The following NEMF variants were observed in gnomAD, a reference collection of about 807,000 sequenced individuals.
NEMF encodes the protein nuclear export mediator factor, also known as ribosome quality control complex subunit NEMF.
A neutral mutation model predicts 162.2 loss-of-function variants in NEMF; 89 were observed. The observed-to-expected ratio is 0.55, with a 90% CI of 0.46 to 0.65. NEMF has a LOEUF of 0.65. Ranked by LOEUF, NEMF falls within the 30% of genes least tolerant of loss-of-function variation. The pLI is 0.00. For synonymous variants in NEMF, 421 were observed against 404.5 expected, an observed-to-expected ratio of 1.04 and a Z score of -0.49; for missense variants, 1,133 against 1,261.9, an observed-to-expected ratio of 0.90 and a Z score of 1.55.
Position 49,833,412 on chromosome 14 carries a change from C to T in NEMF, c.735+11G>A. The stretch of plus-strand genomic sequence containing the variant: ...ATCACAACAATATATAGTAAGTATA[C>T]ATGGTGCTACCTTCCCACTGAAGTT... On this transcript the variant is annotated intron_variant, in intron 8 of 32. Coordinates refer to ENST00000298310, the MANE Select transcript of NEMF (RefSeq NM_004713.6). 5 of 1,534,246 alleles carry T rather than the reference C, an allele frequency of 3.3e-6. No homozygotes were observed. The South Asian group carries it at 3.6e-5, about 11-fold the overall frequency.
intron 4 of NEMF, among the ~76,000 whole-genome samples, chr14:49,843,350 C>T (rs565687704): frequency 6.6e-6 from 1 of 152,070 alleles, no homozygotes; most frequent in African/African-American, 2.4e-5. Context: ...AAAAATTGGC[C>T]AGGCATGGTG....
intron 11 of NEMF, 104 bp downstream of exon 11, chr14:49,831,195 A>G (rs746538233): frequency 4.5e-6 from 3 of 674,142 alleles, no homozygotes; most frequent in Non-Finnish European, 7.9e-6. Flanking sequence ...GAGTTCCCAT[A>G]CTACTTCTTA....
chr14:49,820,374 C>A (rs1235982264), intron 16 of NEMF: 1 of 455,352 alleles, frequency 2.2e-6, no homozygotes, highest in Admixed American at 2.4e-5. Context: ...CAGAGTCATT[C>A]CTCAAACCTG....
intron 11 of NEMF, among the ~76,000 whole-genome samples, chr14:49,829,641 A>G (rs935827424): frequency 2.0e-5 from 3 of 152,208 alleles, no homozygotes; most frequent in Admixed American, 6.5e-5. Flanking sequence ...CTCCTTATAT[A>G]GAAAGGTATT....
rs1378488608 is a variant in NEMF, at chr14:49,838,123, T to C, written c.574+16A>G. 1 of 1,594,894 alleles carries C rather than the reference T, an allele frequency of 6.3e-7. No homozygotes were observed. Among genetic ancestry groups the C allele is most frequent in the Non-Finnish European group, 8.6e-7 (1 of 1,164,468 alleles). ...TGCCTTGCAAACATTTCACTGCTAT[T>C]TGCAGGAATACTCACGAAGTAATGG... On this transcript the variant is annotated intron_variant, in intron 6 of 32. Coordinates refer to ENST00000298310, the MANE Select transcript of NEMF (RefSeq NM_004713.6).
At chr14:49,820,086 G>A (rs1891926558) in intron 16 of NEMF, 1 of 196,318 alleles carries the variant, frequency 5.1e-6, no homozygotes, top group African/African-American at 2.4e-5. Flanking sequence ...CGAGTAGCTT[G>A]GTCTACAGGC....
intron 15 of NEMF, among the ~76,000 whole-genome samples, chr14:49,827,047 T>G (rs1162534641): frequency 6.6e-6 from 1 of 151,596 alleles, no homozygotes; most frequent in Non-Finnish European, 1.5e-5. Context: ...CCAGAAAGAG[T>G]GTATGAGAGG....
chr14:49,841,578 G>GAA (rs535773426), intron 4 of NEMF, among the ~76,000 whole-genome samples: 3,554 of 73,280 alleles, frequency 0.048, 103 homozygotes, highest in Non-Finnish European at 0.067. Flanking sequence ...CTCGTCTTAA[G>GAA]AAAAAAAAAA....
intron 16 of NEMF, among the ~76,000 whole-genome samples, chr14:49,823,434 T>C (rs762919234): frequency 1.3e-5 from 2 of 151,918 alleles, no homozygotes; most frequent in Admixed American, 6.6e-5. Flanking sequence ...TCCTCTCTTT[T>C]TTTGCCAGGA....
At chr14:49,831,607 T>C (rs1892642598) in intron 10 of NEMF, among the ~76,000 whole-genome samples, 1 of 151,986 alleles carries the variant, frequency 6.6e-6, no homozygotes, top group Non-Finnish European at 1.5e-5. Flanking sequence ...ACCGCTAATT[T>C]TTGTAGTTTT....
At chr14:49,815,270 T>A (rs973736463) in intron 16 of NEMF, among the ~76,000 whole-genome samples, 18 of 152,178 alleles carry the variant, frequency 1.2e-4, no homozygotes, top group Admixed American at 2.0e-4. Context: ...ACGTAATTAA[T>A]CTTTAATATG....
Position 49,814,876 on chromosome 14 carries a change from A to G in NEMF, c.1578-19T>C. ...CTCAAACCTATCAAAATGAAAGAAA[A>G]AAAGTTAACTTTTCTTTATAGCTGC... On this transcript the variant is annotated intron_variant, in intron 16 of 32. Coordinates refer to ENST00000298310, the MANE Select transcript of NEMF (RefSeq NM_004713.6). 7.0e-7 allele frequency: 1 copy of G among 1,425,918 alleles called. No individual in the cohort carries two copies. 88.3% of individuals were successfully genotyped at this position (1,425,918 alleles called of 1,614,324 possible). A position where few individuals can be genotyped will look rare whatever the true frequency, so the allele number is the denominator to read the frequency against.
chr14:49,797,104 T>G (rs1418869139), intron 25 of NEMF, among the ~76,000 whole-genome samples: 1 of 152,220 alleles, frequency 6.6e-6, no homozygotes, highest in Non-Finnish European at 1.5e-5. Context: ...AGCTTTATAC[T>G]TCACCTCTTT....
chr14:49,806,941 A>AT (rs1164112956), intron 18 of NEMF, among the ~76,000 whole-genome samples: 14 of 152,178 alleles, frequency 9.2e-5, no homozygotes, highest in Non-Finnish European at 2.1e-4. Flanking sequence ...CTTTTTGTAT[A>AT]TTCATAATGC....
At chr14:49,832,827 A>C (rs967785120) in intron 8 of NEMF, among the ~76,000 whole-genome samples, 49 of 152,224 alleles carry the variant, frequency 3.2e-4, no homozygotes, top group African/African-American at 1.2e-3. Context: ...AGGGCTGACA[A>C]ATGAAAATGT....
Position 49,782,562 on chromosome 14 carries a change from A to G in NEMF, c.*2074T>C, listed in dbSNP as rs879431048. 1.9e-6 allele frequency: 3 copies of G among 1,607,172 alleles called. No individual in the cohort carries two copies. Among genetic ancestry groups the G allele is most frequent in the Non-Finnish European group, 2.6e-6 (3 of 1,175,528 alleles). ...TTCAGGCACACAGTAATGAAATACT[A>G]ATATTTTCAGTTCAACCAAAATCTC... On this transcript the variant is annotated 3_prime_UTR_variant, in exon 33 of 33. Transcript: ENST00000298310.
At chr14:49,808,205 G>T (rs7158080) in intron 18 of NEMF, among the ~76,000 whole-genome samples, 117,416 of 152,016 alleles carry the variant, frequency 0.77, 45,830 homozygotes, top group East Asian at 0.98. Flanking sequence ...ACAGAATTTC[G>T]CTCATTGCCC....
intron 16 of NEMF, among the ~76,000 whole-genome samples, chr14:49,824,901 G>C (rs1892262958): frequency 6.6e-6 from 1 of 152,134 alleles, no homozygotes; most frequent in Non-Finnish European, 1.5e-5. Context: ...ACAATAAAAA[G>C]AAAAGTGTAC....
chr14:49,785,578 A>G, intron 29 of NEMF: 4 of 376,840 alleles, frequency 1.1e-5, no homozygotes, highest in South Asian at 1.0e-4. Flanking sequence ...TCCTACCTAC[A>G]GTTACATTTA....
Sources: gnomAD v4.1 joint callset for allele counts (sites outside exome capture counted in the v4.1 genomes callset) on GRCh38, gnomAD v4.1.1 for gene constraint, MANE v1.5 for transcripts, NCBI Gene and HGNC (gene_info 2026-07-23, HGNC 2026-07-21) for gene names.